The following TLE1 variants were observed in gnomAD, a reference collection of about 807,000 sequenced individuals.
TLE1 encodes the protein transducin-like enhancer protein 1.
In TLE1, 21 loss-of-function variants were observed where a neutral mutation model predicts 89.8. That is an observed-to-expected ratio of 0.23 (90% confidence interval 0.17 to 0.34). The LOEUF (loss-of-function observed/expected upper bound fraction) is 0.34, where lower values mean the gene tolerates loss of function less well. TLE1 is among the 10% of genes least tolerant of loss of function. The pLI is 1.00. For missense variants in TLE1, 795 were observed against 1,031.2 expected, an observed-to-expected ratio of 0.77 and a Z score of 3.14; for synonymous variants, 447 against 407.6, an observed-to-expected ratio of 1.10 and a Z score of -1.16.
intron 8 of TLE1, among the ~76,000 whole-genome samples, chr9:81,622,908 G>A (rs550142407): frequency 3.3e-5 from 5 of 152,196 alleles, no homozygotes; most frequent in South Asian, 4.2e-4. Flanking sequence ...CCGGACGCCC[G>A]GCAGGCTTTC....
At position 81,587,663 on chromosome 9, in the gene TLE1, C is replaced by A; in HGVS notation, c.1977+18G>T. On this transcript the variant is annotated intron_variant, in intron 17 of 19. Transcript: ENST00000376499. Reference sequence around the variant, plus strand: ...GCCACCTCCCAGACTCCAGGGCAGGCGGAAGCCACTCAGTCACCTGGGAGG... The same window carrying A: ...GCCACCTCCCAGACTCCAGGGCAGGAGGAAGCCACTCAGTCACCTGGGAGG... 1 of 1,600,794 alleles carries A rather than the reference C, an allele frequency of 6.2e-7. No individual in the cohort carries two copies. Among genetic ancestry groups the A allele is most frequent in the Non-Finnish European group, 8.5e-7 (1 of 1,172,828 alleles).
chr9:81,643,556 G>C (rs1253121458), intron 6 of TLE1, among the ~76,000 whole-genome samples: 1 of 151,704 alleles, frequency 6.6e-6, no homozygotes, highest in Non-Finnish European at 1.5e-5. Flanking sequence ...TTTTCTTAGA[G>C]ACAGGGTCTC....
chr9:81,615,662 G>A (rs1227572124), intron 11 of TLE1, among the ~76,000 whole-genome samples: 1 of 148,166 alleles, frequency 6.7e-6, no homozygotes, highest in African/African-American at 2.5e-5. Flanking sequence ...GCAGTGAGCT[G>A]AGACTGCACC....
At chr9:81,667,784 C>T (rs1450248257) in intron 4 of TLE1, among the ~76,000 whole-genome samples, 3 of 152,092 alleles carry the variant, frequency 2.0e-5, no homozygotes, top group Non-Finnish European at 4.4e-5. Context: ...GCTGCCTTCC[C>T]GGATGGAACC....
chr9:81,605,245 T>C (rs542059733), intron 14 of TLE1, among the ~76,000 whole-genome samples: 3 of 152,316 alleles, frequency 2.0e-5, no homozygotes, highest in South Asian at 2.1e-4. Context: ...AGACCAGCCC[T>C]ACTCAACGTG....
At chr9:81,660,707 T>C (rs983032737) in intron 4 of TLE1, among the ~76,000 whole-genome samples, 1 of 149,848 alleles carries the variant, frequency 6.7e-6, no homozygotes, top group African/African-American at 2.4e-5. Flanking sequence ...TGAGCCACCA[T>C]GCCCAGCTAC....
chr9:81,624,769 T>C (rs77306737), intron 8 of TLE1, among the ~76,000 whole-genome samples: 7,109 of 152,224 alleles, frequency 0.047, 562 homozygotes, highest in African/African-American at 0.16. Context: ...TAAGTTTTCA[T>C]TTAAAATTAA....
At chr9:81,617,133 CAAAA>C (rs56692367) in intron 9 of TLE1, among the ~76,000 whole-genome samples, 4,579 of 124,200 alleles carry the variant, frequency 0.037, 225 homozygotes, top group African/African-American at 0.12. Context: ...CTAGTTAATG[CAAAA>C]AAAAAAAAAA....
chr9:81,659,374 A>G (rs921485710), intron 4 of TLE1, among the ~76,000 whole-genome samples: 1 of 152,182 alleles, frequency 6.6e-6, no homozygotes, highest in African/African-American at 2.4e-5. Context: ...TTCCTACCCA[A>G]TGATGAATAC....
intron 4 of TLE1, among the ~76,000 whole-genome samples, chr9:81,683,222 A>ATTT (rs58069135): frequency 0.057 from 7,941 of 139,254 alleles, 320 homozygotes; most frequent in Non-Finnish European, 0.084. Flanking sequence ...CCATCACTGC[A>ATTT]TTTTTTTTTT....
At chr9:81,620,392 G>T (rs1231156365) in intron 9 of TLE1, 49 bp downstream of exon 9, 3 of 1,375,552 alleles carry the variant, frequency 2.2e-6, no homozygotes, top group Non-Finnish European at 3.1e-6. Context: ...TGGATACTCA[G>T]GTGAGCAGTA....
At chr9:81,640,238 T>C (rs1414406728) in intron 6 of TLE1, among the ~76,000 whole-genome samples, 25 of 152,330 alleles carry the variant, frequency 1.6e-4, no homozygotes, top group Non-Finnish European at 4.4e-5. Context: ...TGTTCTTGTA[T>C]GCTAAAAGAC....
At chr9:81,676,132 C>A (rs1041321998) in intron 4 of TLE1, among the ~76,000 whole-genome samples, 6 of 152,122 alleles carry the variant, frequency 3.9e-5, no homozygotes, top group African/African-American at 1.4e-4. Flanking sequence ...AAAACATGTA[C>A]AAACTTTTCT....
intron 8 of TLE1, among the ~76,000 whole-genome samples, chr9:81,631,063 T>C (rs1290456859): frequency 6.6e-6 from 1 of 152,214 alleles, no homozygotes; most frequent in African/African-American, 2.4e-5. Context: ...TTAGAACTTG[T>C]CAAAAATTTG....
At chr9:81,584,943 A>G (rs1426825385) in intron 18 of TLE1, among the ~76,000 whole-genome samples, 2 of 148,778 alleles carry the variant, frequency 1.3e-5, no homozygotes, top group African/African-American at 5.0e-5. Flanking sequence ...AAAATGCTCA[A>G]TAAGTGATAG....
chr9:81,586,660 T>A (rs1257218987), intron 17 of TLE1, among the ~76,000 whole-genome samples: 1 of 152,202 alleles, frequency 6.6e-6, no homozygotes. Flanking sequence ...ACGAGAGTTA[T>A]CATATGGCCA....
chr9:81,647,425 C>T (rs1828992266), intron 6 of TLE1, among the ~76,000 whole-genome samples: 1 of 152,236 alleles, frequency 6.6e-6, no homozygotes, highest in Non-Finnish European at 1.5e-5. Context: ...TTTTTCACTA[C>T]TGTTTCCTTA....
chr9:81,665,955 C>G (rs1475879242), intron 4 of TLE1, among the ~76,000 whole-genome samples: 2 of 151,686 alleles, frequency 1.3e-5, no homozygotes, highest in African/African-American at 4.8e-5. Context: ...TCAGTTCCGT[C>G]TAATTAATGA....
intron 10 of TLE1, 103 bp downstream of exon 10, chr9:81,616,542 GT>G: frequency 8.4e-7 from 1 of 1,186,302 alleles, no homozygotes; most frequent in Non-Finnish European, 1.2e-6. Context: ...GTTGCAAGAG[GT>G]CCCCCCACCG....
Sources: allele counts gnomAD v4.1 joint callset (sites outside exome capture counted in the v4.1 genomes callset), GRCh38; gene constraint gnomAD v4.1.1; transcripts MANE v1.5; gene names NCBI Gene and HGNC (gene_info 2026-07-23, HGNC 2026-07-21).